SIL1: variants seen among roughly 807,000 people sequenced by gnomAD.
SIL1 encodes the protein nucleotide exchange factor SIL1.
In SIL1, 40 loss-of-function variants were observed where a neutral mutation model predicts 49.1. The ratio of observed to expected loss-of-function variants is 0.81; its 90% CI spans 0.63 to 1.06. The LOEUF (loss-of-function observed/expected upper bound fraction) is 1.06. Ranked by LOEUF, SIL1 falls within the 50% of genes least tolerant of loss-of-function variation. The pLI, the probability that SIL1 is intolerant of heterozygous loss-of-function variation, is 0.00. For missense variants in SIL1, 500 were observed against 572.6 expected (o/e 0.87, Z 1.29); for synonymous variants, 253 against 250.8 (o/e 1.01, Z -0.08).
intron 7 of SIL1, among the ~76,000 whole-genome samples, chr5:139,002,916 T>G (rs949395676): frequency 3.9e-5 from 6 of 152,218 alleles, no homozygotes; most frequent in African/African-American, 1.4e-4. Context: ...TTTGAACTTC[T>G]GCATGCTCTG....
chr5:138,979,134 G>A (rs1767458335), intron 7 of SIL1, among the ~76,000 whole-genome samples: 2 of 151,488 alleles, frequency 1.3e-5, no homozygotes, highest in East Asian at 1.9e-4. Context: ...GCATGATCTC[G>A]GCTCACTGAA....
At chr5:139,023,410 A>T (rs561455075) in intron 6 of SIL1, among the ~76,000 whole-genome samples, 1 of 152,202 alleles carries the variant, frequency 6.6e-6, no homozygotes, top group African/African-American at 2.4e-5. Context: ...GGAAAGAAGC[A>T]GGGCACTGAT....
chr5:139,144,980 G>A (rs1384535398), intron 1 of SIL1, among the ~76,000 whole-genome samples: 1 of 152,096 alleles, frequency 6.6e-6, no homozygotes, highest in Non-Finnish European at 1.5e-5. Flanking sequence ...ATCACAGGTG[G>A]TAAAAGAAAA....
At position 139,026,855 on chromosome 5, in the gene SIL1, G is replaced by C. The variant is rs987437433; in HGVS notation, c.591C>G (p.Ser197=). 5.6e-6 allele frequency: 9 copies of C among 1,614,058 alleles called. No homozygotes were observed. The highest frequency in any genetic ancestry group is 1.1e-5 in the South Asian group (1 of 91,080). The change falls in exon 6 of 10, where the codon TCC becomes TCG. Residue 197 remains serine, a synonymous_variant. Transcript: ENST00000394817. ...GCGCAGCAATCTTCTCTTCCAAACT[G>C]GAGCTGGAACTATTGAACTTGTTGA... ...RLINKFNSSS[S]SLEEKIAALF...
chr5:138,961,673 C>T (rs146309814), intron 7 of SIL1, among the ~76,000 whole-genome samples: 3 of 152,218 alleles, frequency 2.0e-5, no homozygotes, highest in East Asian at 3.9e-4. Context: ...CCTTTTTCAT[C>T]TCTAGACAAA....
At chr5:139,132,432 T>A (rs1750883963) in intron 1 of SIL1, among the ~76,000 whole-genome samples, 1 of 152,228 alleles carries the variant, frequency 6.6e-6, no homozygotes, top group African/African-American at 2.4e-5. Flanking sequence ...ATCCTTCATC[T>A]TCCCTCAATA....
chr5:139,022,088 C>T (rs550082711), intron 6 of SIL1: 1 of 152,460 alleles, frequency 6.6e-6, no homozygotes, highest in Admixed American at 6.5e-5. Flanking sequence ...AACAAGACAA[C>T]TCGCTTTCCT....
intron 7 of SIL1, among the ~76,000 whole-genome samples, chr5:138,986,149 C>T (rs889304569): frequency 5.9e-5 from 9 of 152,176 alleles, no homozygotes; most frequent in African/African-American, 2.2e-4. Context: ...TATTTCAAAC[C>T]TATACATTAT....
At chr5:139,048,057 G>C (rs1209651405) in intron 4 of SIL1, among the ~76,000 whole-genome samples, 1 of 152,156 alleles carries the variant, frequency 6.6e-6, no homozygotes, top group Non-Finnish European at 1.5e-5. Flanking sequence ...AGAGAAGTGA[G>C]TTCTCATAGT....
intron 7 of SIL1, among the ~76,000 whole-genome samples, chr5:138,953,813 G>A (rs1357616500): frequency 5.9e-5 from 9 of 152,244 alleles, no homozygotes; most frequent in Admixed American, 2.6e-4. Flanking sequence ...AGACGACCAC[G>A]CTGAGAGATT....
At chr5:139,108,763 G>A (rs1218526722) in intron 3 of SIL1, among the ~76,000 whole-genome samples, 3 of 152,168 alleles carry the variant, frequency 2.0e-5, no homozygotes, top group Non-Finnish European at 4.4e-5. Flanking sequence ...TATTCCCCCA[G>A]CTACAGACCT....
chr5:138,993,817 G>C (rs966640364), intron 7 of SIL1, among the ~76,000 whole-genome samples: 4 of 152,158 alleles, frequency 2.6e-5, no homozygotes, highest in Non-Finnish European at 5.9e-5. Flanking sequence ...TTAGACCCTA[G>C]CTCCAGCTGA....
chr5:139,137,038 G>A (rs1016091334), intron 1 of SIL1, among the ~76,000 whole-genome samples: 3 of 152,160 alleles, frequency 2.0e-5, no homozygotes, highest in Non-Finnish European at 2.9e-5. Flanking sequence ...CAGACTGCCC[G>A]GAGGCTTTAG....
chr5:139,125,125 C>T (rs772936983), intron 2 of SIL1, among the ~76,000 whole-genome samples: 4 of 152,248 alleles, frequency 2.6e-5, no homozygotes, highest in Non-Finnish European at 5.9e-5. Flanking sequence ...GCACAACTAG[C>T]CTCACTCTGC....
At chr5:139,046,181 G>C (rs1252366582) in intron 4 of SIL1, among the ~76,000 whole-genome samples, 1 of 152,188 alleles carries the variant, frequency 6.6e-6, no homozygotes. Flanking sequence ...ACAAAAATTG[G>C]CTGGGTGTGG....
chr5:139,171,380 C>T (rs1751765124), intron 1 of SIL1, among the ~76,000 whole-genome samples: 1 of 152,192 alleles, frequency 6.6e-6, no homozygotes, highest in South Asian at 2.1e-4. Context: ...GCCTTGGGAT[C>T]CTGTTGATGG....
intron 7 of SIL1, among the ~76,000 whole-genome samples, chr5:138,960,413 C>CT (rs150578906): frequency 0.049 from 6,133 of 124,158 alleles, 463 homozygotes; most frequent in African/African-American, 0.15. Flanking sequence ...AAATCTACGT[C>CT]TTTTTTTTTT....
intron 1 of SIL1, among the ~76,000 whole-genome samples, chr5:139,196,192 A>AAATAAT (rs909804046): frequency 6.6e-6 from 1 of 151,972 alleles, no homozygotes; most frequent in African/African-American, 2.4e-5. Flanking sequence ...CCCATCTGAA[A>AAATAAT]AATAATAATA....
At chr5:139,123,801 G>A (rs145284953) in intron 2 of SIL1, among the ~76,000 whole-genome samples, 1 of 152,192 alleles carries the variant, frequency 6.6e-6, no homozygotes, top group Non-Finnish European at 1.5e-5. Context: ...CCACTGTCAC[G>A]CAGGCATTCA....
Sources: gnomAD v4.1 joint callset for allele counts (sites outside exome capture counted in the v4.1 genomes callset) on GRCh38, gnomAD v4.1.1 for gene constraint, MANE v1.5 for transcripts, NCBI Gene and HGNC (gene_info 2026-07-23, HGNC 2026-07-21) for gene names.